CRIM1: variants seen among roughly 807,000 people sequenced by gnomAD.
CRIM1 encodes cysteine-rich motor neuron 1 protein.
Under a neutral mutation model 116.4 loss-of-function variants are expected in CRIM1, and 32 were observed. That is an observed-to-expected ratio of 0.27 (90% CI 0.21 to 0.37). The LOEUF (loss-of-function observed/expected upper bound fraction) is 0.37. CRIM1 is among the 10% of genes least tolerant of loss of function. The pLI is 1.00. For missense variants in CRIM1, 1,331 were observed against 1,354.8 expected (o/e 0.98, Z 0.28); for synonymous variants, 590 against 509.2 (o/e 1.16, Z -2.13).
chr2:36,449,638 C>G (rs1676534451), intron 4 of CRIM1, among the ~76,000 whole-genome samples: 1 of 152,098 alleles, frequency 6.6e-6, no homozygotes, highest in South Asian at 2.1e-4. Context: ...TTGATTGTCT[C>G]AAAAGTAACT....
intron 2 of CRIM1, among the ~76,000 whole-genome samples, chr2:36,400,230 G>A (rs1388348565): frequency 6.6e-6 from 1 of 152,168 alleles, no homozygotes; most frequent in Non-Finnish European, 1.5e-5. Context: ...AAGAATTAAT[G>A]GAGTGAGATA....
In CRIM1 at chr2:36,414,653, G is replaced by A. The variant is rs190522855; in HGVS notation, c.505+17866G>A. 2.6e-5 allele frequency among the ~76,000 whole-genome samples: 4 copies of A among 152,324 alleles called. No homozygotes were observed. The East Asian group carries it at 7.7e-4, about 29-fold the overall frequency. Reference sequence around the variant, plus strand: ...TTGGACTGAAAGGTAAGAAGGAGCTGGCTGTGCAAAGAGCTCGTGGAAGAA... The same window carrying A: ...TTGGACTGAAAGGTAAGAAGGAGCTAGCTGTGCAAAGAGCTCGTGGAAGAA... On this transcript the variant is annotated intron_variant, in intron 2 of 16. Coordinates refer to ENST00000280527, the MANE Select transcript of CRIM1 (RefSeq NM_016441.3).
intron 1 of CRIM1, among the ~76,000 whole-genome samples, chr2:36,368,685 G>A (rs1322141551): frequency 6.6e-6 from 1 of 152,188 alleles, no homozygotes; most frequent in Non-Finnish European, 1.5e-5. Context: ...CCATTTGGGA[G>A]TATGTCATAT....
At chr2:36,509,937 C>T (rs755548689) in intron 8 of CRIM1, 46 bp from the exon 9 acceptor site, 2 of 1,583,660 alleles carry the variant, frequency 1.3e-6, no homozygotes, top group Non-Finnish European at 1.7e-6. Flanking sequence ...AAGTGTTCTG[C>T]TCTGTTCATC....
At chr2:36,411,147 A>G (rs185225831) in intron 2 of CRIM1, among the ~76,000 whole-genome samples, 137 of 152,318 alleles carry the variant, frequency 9.0e-4, no homozygotes, top group African/African-American at 3.1e-3. Flanking sequence ...TGGCATTTTG[A>G]TTGCTAATTA....
chr2:36,518,679 C>T (rs771029083), intron 12 of CRIM1, among the ~76,000 whole-genome samples: 5 of 152,114 alleles, frequency 3.3e-5, no homozygotes, highest in Non-Finnish European at 7.4e-5. Flanking sequence ...AGAAATAGTT[C>T]ATATGTGTTA....
chr2:36,400,300 G>T (rs921521192), intron 2 of CRIM1, among the ~76,000 whole-genome samples: 8 of 152,106 alleles, frequency 5.3e-5, no homozygotes, highest in African/African-American at 1.7e-4. Context: ...TTGTAATGAG[G>T]GTTAGAAATT....
chr2:36,445,930 G>A (rs1162170332), intron 4 of CRIM1, among the ~76,000 whole-genome samples: 1 of 152,124 alleles, frequency 6.6e-6, no homozygotes, highest in Non-Finnish European at 1.5e-5. Flanking sequence ...GAACATATAA[G>A]ATCCTATTAT....
chr2:36,381,445 C>T (rs1663868938), intron 1 of CRIM1, among the ~76,000 whole-genome samples: 1 of 151,972 alleles, frequency 6.6e-6, no homozygotes, highest in Non-Finnish European at 1.5e-5. Context: ...ACTGCCAGAG[C>T]AGTTGGGGTG....
Position 36,356,633 on chromosome 2 carries a change from C to T in CRIM1, c.331+10C>T, listed in dbSNP as rs749410861. 1.2e-6 allele frequency: 2 copies of T among 1,600,014 alleles called. No homozygotes were observed. Among genetic ancestry groups the T allele is most frequent in the South Asian group, 1.1e-5 (1 of 89,838 alleles). ...GCGGGCGTTTGCGAAGGTACGGCCG[C>T]CCGCTGCGGGCCCCCTCCCACCTGG... On this transcript the variant is annotated intron_variant, in intron 1 of 16. Transcript: ENST00000280527. This position sits in a 1 kb window ranked among gnomAD's most constrained non-coding sequence, Gnocchi z 4.3.
Position 36,483,535 on chromosome 2 carries a change from C to G in CRIM1, c.1372+3841C>G, listed in dbSNP as rs115963815. Among the ~76,000 whole-genome samples, 1,334 of 152,264 alleles carry G rather than the reference C, an allele frequency of 8.8e-3. 16 individuals carry two copies. Among genetic ancestry groups the G allele is most frequent in the African/African-American group, 0.031 (1,284 of 41,536 alleles). ...GGAGGCCATGTAATTTGCCCAGGGT[C>G]ATACAGCTCATAAGTGACAGCACAG... On this transcript the variant is annotated intron_variant, in intron 7 of 16. Transcript: ENST00000280527.
chr2:36,404,673 A>G (rs1672657894), intron 2 of CRIM1, among the ~76,000 whole-genome samples: 1 of 152,238 alleles, frequency 6.6e-6, no homozygotes, highest in Non-Finnish European at 1.5e-5. Flanking sequence ...CATTTTCAAT[A>G]TACTATGGGA....
intron 2 of CRIM1, among the ~76,000 whole-genome samples, chr2:36,400,582 A>G (rs4670145): frequency 0.19 from 29,010 of 152,166 alleles, 3,046 homozygotes; most frequent in South Asian, 0.33. Context: ...AGTGAGAACA[A>G]AGAGGATACC....
chr2:36,371,484 A>G (rs2148305863), intron 1 of CRIM1, among the ~76,000 whole-genome samples: 1 of 152,286 alleles, frequency 6.6e-6, no homozygotes, highest in Non-Finnish European at 1.5e-5. Context: ...AAACTTTTTC[A>G]TCGAACCATT....
chr2:36,357,994 A>T (rs1169711009), intron 1 of CRIM1, among the ~76,000 whole-genome samples: 1 of 152,170 alleles, frequency 6.6e-6, no homozygotes, highest in African/African-American at 2.4e-5. Context: ...ATACCTGAAT[A>T]GTTTGGGGTT....
intron 4 of CRIM1, among the ~76,000 whole-genome samples, chr2:36,444,272 G>T (rs1403623175): frequency 1.3e-5 from 2 of 152,182 alleles, no homozygotes; most frequent in Admixed American, 1.3e-4. Context: ...GTTGAAATGG[G>T]TAGAAGCTAC....
Position 36,356,592 on chromosome 2 carries a change from C to A in CRIM1, c.300C>A (p.Ser100=). The A allele has an allele frequency of 6.2e-7, 1 of 1,611,332 alleles. No homozygotes were observed. The change falls in exon 1 of 17, where the codon TCC becomes TCA. Residue 100 remains serine, a synonymous_variant. Transcript: ENST00000280527. This position sits in a 1 kb window ranked among gnomAD's most constrained non-coding sequence, Gnocchi z 4.3. ...TCCGCCCCCCGCTCAATGGCGACTC[C>A]CTCACCGAGTACGAAGCGGGCGTTT... is the stretch of plus-strand genomic sequence containing the variant. ...CVIRPPLNGD[S]LTEYEAGVCE...
chr2:36,526,136 T>C (rs558207459), intron 13 of CRIM1, among the ~76,000 whole-genome samples: 6 of 152,344 alleles, frequency 3.9e-5, no homozygotes, highest in African/African-American at 1.4e-4. Flanking sequence ...AGAAACTAAG[T>C]AGTAATTACC....
intron 16 of CRIM1, among the ~76,000 whole-genome samples, chr2:36,547,514 T>G (rs557896969): frequency 1.4e-4 from 21 of 152,206 alleles, no homozygotes; most frequent in Non-Finnish European, 2.5e-4. Flanking sequence ...CACCTGGCAT[T>G]TCTTAGTCAT....
Sources: gnomAD v4.1 joint callset for allele counts (sites outside exome capture counted in the v4.1 genomes callset) on GRCh38, gnomAD v4.1.1 for gene constraint, Gnocchi (gnomAD v3.1) non-coding constraint, MANE v1.5 for transcripts, NCBI Gene and HGNC (gene_info 2026-07-23, HGNC 2026-07-21) for gene names.